The following STXBP6 variants were observed in gnomAD, a reference collection of about 807,000 sequenced individuals.
STXBP6 encodes syntaxin-binding protein 6.
STXBP6 carries 21 observed loss-of-function variants against 26.9 expected under a neutral mutation model. The observed-to-expected ratio is 0.78, with a 90% CI of 0.55 to 1.12. STXBP6 has a LOEUF of 1.12. STXBP6 is among the 50% of genes most tolerant of loss of function. The pLI is 0.00. For missense variants in STXBP6, 232 were observed against 257.9 expected (o/e 0.90, Z 0.69); for synonymous variants, 97 against 92.6 (o/e 1.05, Z -0.27).
At chr14:24,942,123 G>A (rs1280001982) in intron 2 of STXBP6, among the ~76,000 whole-genome samples, 1 of 152,206 alleles carries the variant, frequency 6.6e-6, no homozygotes, top group African/African-American at 2.4e-5. Flanking sequence ...GAAATTGTAG[G>A]ATGGAATTTG....
chr14:24,989,875 G>A (rs193049322), intron 1 of STXBP6, among the ~76,000 whole-genome samples: 4 of 152,246 alleles, frequency 2.6e-5, no homozygotes, highest in African/African-American at 4.8e-5. Context: ...ATTAAGATAC[G>A]CCTCACCTTT....
intron 4 of STXBP6, among the ~76,000 whole-genome samples, chr14:24,827,944 G>GA (rs909197158): frequency 2.7e-5 from 4 of 150,354 alleles, no homozygotes; most frequent in African/African-American, 4.9e-5. Flanking sequence ...AAATGAATTT[G>GA]AAAAAAAATC....
intron 2 of STXBP6, among the ~76,000 whole-genome samples, chr14:24,964,742 A>G (rs1268824720): frequency 2.0e-5 from 3 of 151,670 alleles, no homozygotes; most frequent in African/African-American, 7.3e-5. Context: ...TGGGCTGAGA[A>G]GCTGGGTCCA....
chr14:24,981,120 A>ATGATTT (rs1275809552), intron 1 of STXBP6, among the ~76,000 whole-genome samples: 2 of 152,250 alleles, frequency 1.3e-5, no homozygotes, highest in Non-Finnish European at 2.9e-5. Flanking sequence ...TATTTTGTAA[A>ATGATTT]GCCCTAGTAA....
intron 1 of STXBP6, among the ~76,000 whole-genome samples, chr14:25,030,986 T>G (rs1033069751): frequency 6.6e-6 from 1 of 152,074 alleles, no homozygotes; most frequent in African/African-American, 2.4e-5. Flanking sequence ...AAGGACAGTA[T>G]ATTTCAACAG....
At chr14:24,884,071 C>G (rs1235947018) in intron 2 of STXBP6, among the ~76,000 whole-genome samples, 1 of 151,824 alleles carries the variant, frequency 6.6e-6, no homozygotes, top group Non-Finnish European at 1.5e-5. Flanking sequence ...AACTGTATAG[C>G]TATCTCTGCC....
At chr14:24,815,998 G>A (rs1310094868) in intron 5 of STXBP6, 2 of 152,222 alleles carry the variant, frequency 1.3e-5, no homozygotes, top group Non-Finnish European at 2.9e-5. Flanking sequence ...TTGTGCAAAA[G>A]TGATCCATTG....
chr14:24,989,644 T>C (rs2074416291), intron 1 of STXBP6, among the ~76,000 whole-genome samples: 1 of 152,228 alleles, frequency 6.6e-6, no homozygotes, highest in Non-Finnish European at 1.5e-5. Flanking sequence ...GGTGCACGCC[T>C]AATGTATGAA....
intron 2 of STXBP6, among the ~76,000 whole-genome samples, chr14:24,878,066 G>T (rs2070212406): frequency 6.6e-6 from 1 of 151,952 alleles, no homozygotes; most frequent in South Asian, 2.1e-4. Flanking sequence ...TTTTTCTATT[G>T]TGTTGACCAC....
chr14:24,940,419 G>A (rs1336242432), intron 2 of STXBP6, among the ~76,000 whole-genome samples: 1 of 152,194 alleles, frequency 6.6e-6, no homozygotes, highest in Non-Finnish European at 1.5e-5. Flanking sequence ...TTCCATGGGT[G>A]AGAAACCCAT....
chr14:24,954,853 CAG>C (rs1258420699), intron 2 of STXBP6, among the ~76,000 whole-genome samples: 1 of 152,206 alleles, frequency 6.6e-6, no homozygotes, highest in African/African-American at 2.4e-5. Context: ...GTCCACAGCG[CAG>C]ATATAAAGAG....
intron 1 of STXBP6, among the ~76,000 whole-genome samples, chr14:24,992,871 A>G (rs1199579977): frequency 6.6e-6 from 1 of 152,228 alleles, no homozygotes; most frequent in African/African-American, 2.4e-5. Context: ...ACAACACTGA[A>G]CAGTCAACTT....
intron 1 of STXBP6, among the ~76,000 whole-genome samples, chr14:24,983,926 C>A (rs1043715054): frequency 4.6e-5 from 7 of 152,130 alleles, no homozygotes; most frequent in African/African-American, 1.7e-4. Context: ...TTTTTTAAAT[C>A]AGAGCAAAAC....
chr14:24,847,873 T>C (rs2139089834), intron 4 of STXBP6, among the ~76,000 whole-genome samples: 1 of 152,296 alleles, frequency 6.6e-6, no homozygotes, highest in African/African-American at 2.4e-5. Flanking sequence ...AAGTCAGCAG[T>C]AACATGTGCA....
intron 2 of STXBP6, among the ~76,000 whole-genome samples, chr14:24,941,662 C>A (rs1254886969): frequency 1.3e-5 from 2 of 152,178 alleles, no homozygotes; most frequent in Admixed American, 1.3e-4. Flanking sequence ...GGGGAGCAGA[C>A]CCTGTACCCA....
intron 2 of STXBP6, among the ~76,000 whole-genome samples, chr14:24,923,946 T>C (rs958789916): frequency 1.3e-5 from 2 of 152,194 alleles, no homozygotes; most frequent in Non-Finnish European, 2.9e-5. Context: ...CCTTTATGAT[T>C]TGTCCCTTTT....
At chr14:24,887,409 A>C (rs915891227) in intron 2 of STXBP6, among the ~76,000 whole-genome samples, 12 of 152,204 alleles carry the variant, frequency 7.9e-5, no homozygotes, top group African/African-American at 2.9e-4. Context: ...CAAAGATGAA[A>C]AGGTTTATCT....
intron 1 of STXBP6, among the ~76,000 whole-genome samples, chr14:25,003,975 T>G (rs1290694353): frequency 6.6e-6 from 1 of 152,208 alleles, no homozygotes; most frequent in Non-Finnish European, 1.5e-5. Flanking sequence ...CCATACATAA[T>G]ATATAAAGCA....
chr14:24,988,510 C>T (rs762769083), intron 1 of STXBP6, among the ~76,000 whole-genome samples: 59 of 152,278 alleles, frequency 3.9e-4, no homozygotes, highest in Non-Finnish European at 7.1e-4. Flanking sequence ...CTCTATTAAG[C>T]CTACCCTTGA....
Sources: gnomAD v4.1 joint callset for allele counts (sites outside exome capture counted in the v4.1 genomes callset) on GRCh38, gnomAD v4.1.1 for gene constraint, MANE v1.5 for transcripts, NCBI Gene and HGNC (gene_info 2026-07-23, HGNC 2026-07-21) for gene names.